ZNF384: variants seen among roughly 807,000 people sequenced by gnomAD.
ZNF384 encodes CAG repeat protein 1.
ZNF384 carries 20 observed loss-of-function variants against 65.0 expected under a neutral mutation model. The ratio of observed to expected loss-of-function variants is 0.31; its 90% CI spans 0.22 to 0.45. The LOEUF (loss-of-function observed/expected upper bound fraction) is 0.45, where lower values mean the gene tolerates loss of function less well. Among genes scored for constraint, ZNF384 ranks in the 20% least tolerant of loss-of-function variants. The pLI is 1.00. For synonymous variants in ZNF384, 310 were observed against 303.9 expected, an observed-to-expected ratio of 1.02 and a Z score of -0.21; for missense variants, 549 against 769.4, an observed-to-expected ratio of 0.71 and a Z score of 3.39.
chr12:6,670,852 G>C lies in ZNF384; in HGVS notation c.1188-14C>G, dbSNP rs1265671951. On this transcript the variant is annotated splice_polypyrimidine_tract_variant and intron_variant, in intron 9 of 11. Transcript: ENST00000683879. ...CCAGTGTGGATTCTGCACAGGATAA[G>C]AGAAAAAAGGGAAAGAATGTCAGCA... 3 of 1,611,340 alleles carry C rather than the reference G, an allele frequency of 1.9e-6. No individual in the cohort carries two copies. The highest frequency in any genetic ancestry group is 2.5e-6 in the Non-Finnish European group (3 of 1,178,000).
Position 6,672,279 on chromosome 12 carries a change from T to G in ZNF384, c.1187+71A>C. The G allele has an allele frequency of 3.4e-6, 5 of 1,480,336 alleles. No homozygotes were observed. The highest frequency in any genetic ancestry group is 1.3e-5 in the South Asian group (1 of 77,974). 91.7% of individuals were successfully genotyped at this position (1,480,336 alleles called of 1,614,324 possible). On this transcript the variant is annotated intron_variant, in intron 9 of 11. Coordinates refer to ENST00000683879, the MANE Select transcript of ZNF384 (RefSeq NM_001385745.1). The surrounding 1 kb of genome is among the most constrained non-coding windows in gnomAD (Gnocchi z 4.4). ...CCCGCCCCCCGCATGCGGGTTGTTG[T>G]GTGTGTCCGGGGCGGGGGTGGGGAG...
In ZNF384 at chr12:6,682,019, T is replaced by G. The variant is rs1238979084; in HGVS notation, c.-5-2494A>C. Among the ~76,000 whole-genome samples, 6 of 151,530 alleles carry G rather than the reference T, an allele frequency of 4.0e-5. No individual in the cohort carries two copies. The South Asian group carries it at 1.2e-3, about 32-fold the overall frequency. ...TACAAAGGGGTCTTACGGCTGAGTG[T>G]GGTGGCTCATGCTTGTAATCTCAAC... On this transcript the variant is annotated intron_variant, in intron 2 of 11. Transcript: ENST00000683879.
At chr12:6,688,770 T>A (rs1385043082) in intron 1 of ZNF384, 1 of 152,450 alleles carries the variant, frequency 6.6e-6, no homozygotes, top group Non-Finnish European at 1.5e-5. Flanking sequence ...AGACCCCAGC[T>A]GTCCCCTCAA....
Position 6,667,865 on chromosome 12 carries a change from G to A in ZNF384, c.1676C>T (p.Pro559Leu). Reference protein sequence around the residue: ...PPHFQSPGAAPQGGGGGDSNP... With the variant: ...PPHFQSPGAALQGGGGGDSNP... Reference sequence around the variant, plus strand: ...GCTGTCCCCACCACCCCCACCCTGGGGGGCTGCCCCAGGAGACTGGAAGTG... The same window carrying A: ...GCTGTCCCCACCACCCCCACCCTGGAGGGCTGCCCCAGGAGACTGGAAGTG... Residue 559 changes from proline (P) to leucine (L), a missense_variant, in exon 12 of 12, where the codon CCC becomes CTC. By Grantham distance (98) the Pro-to-Leu change is moderately conservative. This residue lies in a region of ZNF384 where 136 missense variants were observed against 183.0 expected (regional missense o/e 0.74). Coordinates refer to ENST00000683879, the MANE Select transcript of ZNF384 (RefSeq NM_001385745.1). 2 of 1,614,094 alleles carry A rather than the reference G, an allele frequency of 1.2e-6. No individual in the cohort carries two copies. Among genetic ancestry groups the A allele is most frequent in the African/African-American group, 1.3e-5 (1 of 75,032 alleles).
At chr12:6,682,805 A>C (rs1467091362) in intron 2 of ZNF384, among the ~76,000 whole-genome samples, 2 of 152,224 alleles carry the variant, frequency 1.3e-5, no homozygotes, top group Non-Finnish European at 2.9e-5. Context: ...TATCCCCAAC[A>C]TACGACTTTA....
rs1950705674 is a variant in ZNF384, at chr12:6,669,556, GCGGCACAATCT to G, written c.1267-378_1267-368del. On this transcript the variant is annotated intron_variant, in intron 10 of 11. Coordinates refer to ENST00000683879, the MANE Select transcript of ZNF384 (RefSeq NM_001385745.1). ...ACTCTGTCGCTCAGGTTGGAGTGCA[GCGGCACAATCT>G]CGGCTCATTGCAACCTCCGCTTCCC... is the stretch of plus-strand genomic sequence containing the variant. Among the ~76,000 whole-genome samples the G allele has an allele frequency of 2.0e-5, 3 of 151,646 alleles. No individual in the cohort carries two copies. The South Asian group carries it at 6.3e-4, about 32-fold the overall frequency.
Position 6,670,807 on chromosome 12 carries a change from C to A in ZNF384, c.1219G>T (p.Ala407Ser). The change falls in exon 10 of 12, where the codon GCA becomes TCA. Residue 407 changes from alanine to serine, a missense_variant. By Grantham distance (99) the Ala-to-Ser change is moderately conservative (BLOSUM62 1). Coordinates refer to ENST00000683879, the MANE Select transcript of ZNF384 (RefSeq NM_001385745.1). ...IHTGDRPYKCAHPGCEKAFTQ... is the reference protein window; with the variant it reads ...IHTGDRPYKCSHPGCEKAFTQ... ...AAGGCTTTCTCACAGCCTGGGTGTGCACATTTGTATGGTCTATCACCAGTG... is the reference window on the plus strand; with the variant it reads ...AAGGCTTTCTCACAGCCTGGGTGTGAACATTTGTATGGTCTATCACCAGTG... The A allele has an allele frequency of 6.2e-7, 1 of 1,614,154 alleles. No homozygotes were observed. Among genetic ancestry groups the A allele is most frequent in the South Asian group, 1.1e-5 (1 of 91,064 alleles).
At chr12:6,679,664 G>A (rs1955157672) in intron 2 of ZNF384, 139 bp from the exon 3 acceptor site, 1 of 647,042 alleles carries the variant, frequency 1.5e-6, no homozygotes, top group African/African-American at 1.8e-5. Context: ...AAGACTTAGT[G>A]TCTAGCACAT....
chr12:6,670,867 G>T, intron 9 of ZNF384, 29 bp from the exon 10 acceptor site: 2 of 1,602,304 alleles, frequency 1.2e-6, no homozygotes, highest in Non-Finnish European at 1.7e-6. Context: ...AAAAGGGAAA[G>T]AATGTCAGCA....
At position 6,678,045 on chromosome 12, in the gene ZNF384, G is replaced by A. The variant is rs934132108; in HGVS notation, c.686+82C>T. The A allele has an allele frequency of 1.4e-4, 185 of 1,336,510 alleles. No homozygotes were observed. Among genetic ancestry groups the A allele is most frequent in the Middle Eastern group, 4.4e-4 (2 of 4,526 alleles). The allele number at this position is 1,336,510 out of a possible 1,614,324, so 82.8% of individuals were successfully genotyped here. A position where few individuals can be genotyped will look rare whatever the true frequency, so the allele number is the denominator to read the frequency against. ...AGCTGTCAGAGTGTAGCGCCTGACC[G>A]GGGCAGAACACAATGAGGGTACAGG... On this transcript the variant is annotated intron_variant, in intron 6 of 11. Coordinates refer to ENST00000683879, the MANE Select transcript of ZNF384 (RefSeq NM_001385745.1). This position sits in a 1 kb window ranked among gnomAD's most constrained non-coding sequence, Gnocchi z 4.9.
At chr12:6,674,497 A>G (rs1023733130) in intron 7 of ZNF384, among the ~76,000 whole-genome samples, 5 of 152,224 alleles carry the variant, frequency 3.3e-5, no homozygotes, top group African/African-American at 1.2e-4. Flanking sequence ...TCCCTAACTT[A>G]TCTTCTTAAG....
intron 2 of ZNF384, among the ~76,000 whole-genome samples, chr12:6,680,155 C>G (rs989546933): frequency 6.6e-6 from 1 of 152,192 alleles, no homozygotes; most frequent in South Asian, 2.1e-4. Flanking sequence ...AGTAGAGACA[C>G]GGTTTTTCCA....
At chr12:6,685,989 T>G (rs899178278) in intron 2 of ZNF384, among the ~76,000 whole-genome samples, 3 of 152,138 alleles carry the variant, frequency 2.0e-5, no homozygotes, top group African/African-American at 7.2e-5. Context: ...GCTTTGTCTA[T>G]CTGACCACAT....
rs1403431515 is a variant in ZNF384, at chr12:6,672,556, G to A, written c.1005-24C>T. ...TCCTGCCGGAGAGGAGAGGAGGGAAGGGGGGAGGAGGAAGCAGTTCGACAC... is the reference window on the plus strand; with the variant it reads ...TCCTGCCGGAGAGGAGAGGAGGGAAAGGGGGAGGAGGAAGCAGTTCGACAC... On this transcript the variant is annotated intron_variant, in intron 8 of 11. Transcript: ENST00000683879. This position sits in a 1 kb window ranked among gnomAD's most constrained non-coding sequence, Gnocchi z 4.4. 1.2e-6 allele frequency: 2 copies of A among 1,609,198 alleles called. No individual in the cohort carries two copies. The highest frequency in any genetic ancestry group is 2.7e-5 in the African/African-American group (2 of 74,792).
At position 6,667,674 on chromosome 12, in the gene ZNF384, A is replaced by T; in HGVS notation, c.*40T>A. 6.2e-7 allele frequency: 1 copy of T among 1,612,798 alleles called. No homozygotes were observed. The highest frequency in any genetic ancestry group is 8.5e-7 in the Non-Finnish European group (1 of 1,179,136). ...AGAGTTGGAGAAAGAAGACACCAGG[A>T]CTACTTCTTCCTCTTCCCAGTGGGT... On this transcript the variant is annotated 3_prime_UTR_variant, in exon 12 of 12. Coordinates refer to ENST00000683879, the MANE Select transcript of ZNF384 (RefSeq NM_001385745.1).
Position 6,667,912 on chromosome 12 carries a change from C to T in ZNF384, c.1629G>A (p.Gln543=), listed in dbSNP as rs575118449. 6.8e-7 allele frequency: 1 copy of T among 1,478,054 alleles called. No individual in the cohort carries two copies. The highest frequency in any genetic ancestry group is 1.2e-5 in the South Asian group (1 of 84,894). The allele number at this position is 1,478,054 out of a possible 1,614,324, so 91.6% of individuals were successfully genotyped here. ...AGTGTGGTGGTGGCTGTTGCTGCTG[C>T]TGCTGCTGCTGCTGCTGCTGCTGCT... The part of the protein sequence containing the change: ...QQQQQQQQQQ[Q]QQQQPPPHFQ... The change falls in exon 12 of 12, where the codon CAG becomes CAA. Residue 543 remains glutamine, a synonymous_variant. Coordinates refer to ENST00000683879, the MANE Select transcript of ZNF384 (RefSeq NM_001385745.1).
chr12:6,672,146 A>G lies in ZNF384; in HGVS notation c.1187+204T>C. 1.7e-6 allele frequency: 1 copy of G among 577,816 alleles called. No homozygotes were observed. The highest frequency in any genetic ancestry group is 2.9e-5 in the East Asian group (1 of 34,466). 35.8% of individuals were successfully genotyped at this position (577,816 alleles called of 1,614,324 possible). On this transcript the variant is annotated intron_variant, in intron 9 of 11. Transcript: ENST00000683879. This position sits in a 1 kb window ranked among gnomAD's most constrained non-coding sequence, Gnocchi z 4.4. The stretch of plus-strand genomic sequence containing the variant: ...ATCATATAGTCACTGCAGCTCCCCG[A>G]CGTAGCTCTTGCCCCAGAGAAGCTC...
intron 2 of ZNF384, 80 bp downstream of exon 2, chr12:6,688,087 G>A (rs1011730283): frequency 1.3e-5 from 2 of 152,526 alleles, no homozygotes; most frequent in Admixed American, 1.3e-4. Context: ...ATCACATTGT[G>A]AAACACACAC....
At chr12:6,680,156 G>C (rs574641227) in intron 2 of ZNF384, among the ~76,000 whole-genome samples, 16 of 152,192 alleles carry the variant, frequency 1.1e-4, no homozygotes, top group African/African-American at 3.9e-4. Context: ...GTAGAGACAC[G>C]GTTTTTCCAT....
Sources: allele counts gnomAD v4.1 joint callset (sites outside exome capture counted in the v4.1 genomes callset), GRCh38; gene constraint gnomAD v4.1.1; regional missense constraint gnomAD v4.1.1; non-coding constraint Gnocchi (gnomAD v3.1); transcripts MANE v1.5; gene names NCBI Gene and HGNC (gene_info 2026-07-23, HGNC 2026-07-21).